The following SLC2A13 variants were observed in gnomAD, a reference collection of about 807,000 sequenced individuals.
SLC2A13 encodes proton myo-inositol cotransporter.
Under a neutral mutation model 64.4 loss-of-function variants are expected in SLC2A13, and 32 were observed. That is an observed-to-expected ratio of 0.50 (90% CI 0.37 to 0.67). The LOEUF is 0.67. Ranked by LOEUF, SLC2A13 falls within the 30% of genes least tolerant of loss-of-function variation. SLC2A13 has a pLI of 0.00. For synonymous variants in SLC2A13, 338 were observed against 327.1 expected (o/e 1.03, Z -0.36); for missense variants, 743 against 829.2 (o/e 0.90, Z 1.28).
chr12:40,042,575 T>C (rs1204987485), intron 2 of SLC2A13, among the ~76,000 whole-genome samples: 3 of 152,200 alleles, frequency 2.0e-5, no homozygotes, highest in Non-Finnish European at 2.9e-5. Flanking sequence ...CTGTATAAAT[T>C]AATACATTGG....
At chr12:39,956,153 T>C (rs1055616816) in intron 3 of SLC2A13, among the ~76,000 whole-genome samples, 2 of 152,124 alleles carry the variant, frequency 1.3e-5, no homozygotes, top group African/African-American at 4.8e-5. Flanking sequence ...CCCTAAAAGA[T>C]ACAATCTTCC....
At chr12:39,841,537 CATGTATATAA>C (rs1566852958) in intron 6 of SLC2A13, among the ~76,000 whole-genome samples, 1 of 151,876 alleles carries the variant, frequency 6.6e-6, no homozygotes, top group Admixed American at 6.6e-5. Context: ...TGTAAGATAA[CATGTATATAA>C]ATGTATATCT....
chr12:39,905,665 T>G (rs896727493), intron 4 of SLC2A13, among the ~76,000 whole-genome samples: 1 of 152,132 alleles, frequency 6.6e-6, no homozygotes, highest in Non-Finnish European at 1.5e-5. Flanking sequence ...AGACATCTTA[T>G]GTCTATAAAC....
At chr12:39,779,878 G>A (rs958575435) in intron 7 of SLC2A13, among the ~76,000 whole-genome samples, 10 of 152,202 alleles carry the variant, frequency 6.6e-5, no homozygotes, top group Admixed American at 2.6e-4. Context: ...TCTCTGGCTC[G>A]TGTTTATCTG....
chr12:39,865,159 A>G (rs889627370), intron 5 of SLC2A13, among the ~76,000 whole-genome samples: 4 of 152,218 alleles, frequency 2.6e-5, no homozygotes, highest in Non-Finnish European at 1.5e-5. Flanking sequence ...ATGATTTTTT[A>G]AAAGAAACCA....
chr12:39,787,321 A>G (rs1166050363), intron 7 of SLC2A13, among the ~76,000 whole-genome samples: 1 of 152,220 alleles, frequency 6.6e-6, no homozygotes, highest in Non-Finnish European at 1.5e-5. Context: ...GTATTAAAAT[A>G]ACAGTAATTA....
At chr12:39,813,566 A>G (rs999237611) in intron 7 of SLC2A13, among the ~76,000 whole-genome samples, 1 of 152,214 alleles carries the variant, frequency 6.6e-6, no homozygotes, top group Non-Finnish European at 1.5e-5. Flanking sequence ...AAAATTAACA[A>G]TAATTTCTTA....
chr12:39,898,579 A>G (rs768683287), intron 4 of SLC2A13, among the ~76,000 whole-genome samples: 1 of 152,102 alleles, frequency 6.6e-6, no homozygotes, highest in African/African-American at 2.4e-5. Flanking sequence ...CTTTAGGGAC[A>G]TTTTTATTGT....
intron 7 of SLC2A13, among the ~76,000 whole-genome samples, chr12:39,793,907 T>C (rs915772413): frequency 6.6e-6 from 1 of 152,046 alleles, no homozygotes; most frequent in Non-Finnish European, 1.5e-5. Flanking sequence ...TTCTAATGAC[T>C]TTTATCTCAG....
chr12:40,069,729 A>G (rs1565613537), intron 1 of SLC2A13, among the ~76,000 whole-genome samples: 1 of 152,044 alleles, frequency 6.6e-6, no homozygotes. Context: ...TCTAACAAAT[A>G]TCTCATGTTT....
At chr12:39,840,303 C>G (rs1396200242) in intron 6 of SLC2A13, among the ~76,000 whole-genome samples, 2 of 152,018 alleles carry the variant, frequency 1.3e-5, no homozygotes, top group Non-Finnish European at 1.5e-5. Context: ...CTGGGCTCTT[C>G]CAATAGTCTT....
At chr12:39,919,969 C>G (rs1295763862) in intron 4 of SLC2A13, among the ~76,000 whole-genome samples, 1 of 151,904 alleles carries the variant, frequency 6.6e-6, no homozygotes, top group East Asian at 1.9e-4. Flanking sequence ...CCTTGATACA[C>G]TTATTATCTC....
At chr12:39,800,237 A>C (rs1326824595) in intron 7 of SLC2A13, among the ~76,000 whole-genome samples, 2 of 152,212 alleles carry the variant, frequency 1.3e-5, no homozygotes, top group Non-Finnish European at 2.9e-5. Context: ...AGAAAAAATA[A>C]TTTGTGACTA....
At chr12:40,000,671 G>A (rs1198370875) in intron 3 of SLC2A13, among the ~76,000 whole-genome samples, 3 of 152,140 alleles carry the variant, frequency 2.0e-5, no homozygotes, top group Non-Finnish European at 2.9e-5. Flanking sequence ...GCAGTATCCC[G>A]ACATGTTCTT....
chr12:39,824,198 A>G (rs769176744), intron 7 of SLC2A13, among the ~76,000 whole-genome samples: 1 of 152,238 alleles, frequency 6.6e-6, no homozygotes, highest in Non-Finnish European at 1.5e-5. Context: ...TATAAACTAT[A>G]CAGGTATCAT....
At chr12:40,042,940 C>CA (rs34533002) in intron 2 of SLC2A13, among the ~76,000 whole-genome samples, 1 of 64,546 alleles carries the variant, frequency 1.5e-5, no homozygotes, top group Non-Finnish European at 3.1e-5. Flanking sequence ...ACACTACAGG[C>CA]AAAAAAGAGC....
intron 3 of SLC2A13, among the ~76,000 whole-genome samples, chr12:40,022,735 G>T (rs1947740949): frequency 1.3e-5 from 2 of 152,104 alleles, no homozygotes; most frequent in Admixed American, 1.3e-4. Flanking sequence ...CTACTGGGGA[G>T]GCTGAGGCAG....
chr12:39,867,485 A>G (rs977330582), intron 5 of SLC2A13, among the ~76,000 whole-genome samples: 1 of 152,136 alleles, frequency 6.6e-6, no homozygotes, highest in African/African-American at 2.4e-5. Flanking sequence ...CAAAAAAAAA[A>G]CTGTTAAGTC....
rs543739320 is a variant in SLC2A13 at position 39,971,387 on chromosome 12, C to T, written c.926-20022G>A. ...AAATATTTCCTTTAGATGTTTTTCA[C>T]CTAATAAGCATTTATTTCTATTAAG... On this transcript the variant is annotated intron_variant, in intron 3 of 9. Coordinates refer to ENST00000280871, the MANE Select transcript of SLC2A13 (RefSeq NM_052885.4). Among the ~76,000 whole-genome samples the T allele has an allele frequency of 8.9e-4, 135 of 152,234 alleles. 1 individual carries two copies. Among genetic ancestry groups the T allele is most frequent in the African/African-American group, 2.6e-3 (107 of 41,546 alleles).
Sources: gnomAD v4.1 joint callset for allele counts (sites outside exome capture counted in the v4.1 genomes callset) on GRCh38, gnomAD v4.1.1 for gene constraint, MANE v1.5 for transcripts, NCBI Gene and HGNC (gene_info 2026-07-23, HGNC 2026-07-21) for gene names.